The following TTC28 variants were observed in gnomAD, a reference collection of about 807,000 sequenced individuals.
TTC28 encodes tetratricopeptide repeat protein 28.
TTC28 carries 61 observed loss-of-function variants against 198.0 expected under a neutral mutation model. The observed-to-expected ratio is 0.31, with a 90% CI of 0.25 to 0.38. TTC28 has a LOEUF of 0.38. Among genes scored for constraint, TTC28 ranks in the 10% least tolerant of loss-of-function variants. The probability of loss-of-function intolerance (pLI) is 1.00; values close to 1 mark genes in which losing one functional copy is unlikely to be tolerated. For synonymous variants in TTC28, 1,171 were observed against 1,297.8 expected (o/e 0.90, Z 2.10); for missense variants, 2,678 against 3,164.0 (o/e 0.85, Z 3.69).
chr22:28,444,525 A>C (rs1265791839), intron 2 of TTC28, among the ~76,000 whole-genome samples: 1 of 152,216 alleles, frequency 6.6e-6, no homozygotes, highest in Non-Finnish European at 1.5e-5. Flanking sequence ...TTTTAGCTGA[A>C]TGAACAGGTA....
chr22:28,438,413 C>T (rs1026212357), intron 2 of TTC28, among the ~76,000 whole-genome samples: 6 of 152,128 alleles, frequency 3.9e-5, no homozygotes, highest in African/African-American at 1.4e-4. Context: ...AAATGGAACT[C>T]CATCAGAGAA....
intron 2 of TTC28, among the ~76,000 whole-genome samples, chr22:28,424,005 T>C (rs953277676): frequency 1.3e-5 from 2 of 152,170 alleles, no homozygotes; most frequent in Non-Finnish European, 2.9e-5. Context: ...TACCTGCACA[T>C]AGAAAGGTAC....
chr22:28,554,721 AT>A (rs1314091363), intron 2 of TTC28, among the ~76,000 whole-genome samples: 1 of 152,012 alleles, frequency 6.6e-6, no homozygotes, highest in Non-Finnish European at 1.5e-5. Context: ...AAATACAAAA[AT>A]TAACCGGGTG....
At chr22:28,088,390 T>C (rs111543493) in intron 12 of TTC28, among the ~76,000 whole-genome samples, 8 of 151,916 alleles carry the variant, frequency 5.3e-5, no homozygotes, top group Admixed American at 3.9e-4. Flanking sequence ...TTTGACAAAC[T>C]TGACAAAAAC....
chr22:28,004,090 C>T (rs1000342514), intron 14 of TTC28, among the ~76,000 whole-genome samples: 2 of 152,254 alleles, frequency 1.3e-5, no homozygotes, highest in African/African-American at 4.8e-5. Context: ...GGCAGCATGG[C>T]AGCCCCAGAA....
At chr22:28,373,822 C>T (rs1346157857) in intron 2 of TTC28, among the ~76,000 whole-genome samples, 1 of 102,786 alleles carries the variant, frequency 9.7e-6, no homozygotes, top group Non-Finnish European at 2.1e-5. Flanking sequence ...ACATAAAAAG[C>T]AGTTAAGGTA....
chr22:28,537,782 G>A (rs1266811622), intron 2 of TTC28, among the ~76,000 whole-genome samples: 1 of 152,158 alleles, frequency 6.6e-6, no homozygotes, highest in Non-Finnish European at 1.5e-5. Context: ...ACATCTATAT[G>A]TTCGCTATCA....
At chr22:28,396,685 C>T (rs1009033055) in intron 2 of TTC28, among the ~76,000 whole-genome samples, 3 of 152,164 alleles carry the variant, frequency 2.0e-5, no homozygotes, top group African/African-American at 4.8e-5. Context: ...CTGTTTTCTT[C>T]CTCCCTCCCC....
chr22:28,633,613 G>C (rs1239382864), intron 1 of TTC28, among the ~76,000 whole-genome samples: 2 of 152,134 alleles, frequency 1.3e-5, no homozygotes, highest in Non-Finnish European at 2.9e-5. Context: ...TGGACAACAA[G>C]CAAGACCCTG....
chr22:28,257,452 G>A (rs555689397), intron 5 of TTC28, among the ~76,000 whole-genome samples: 23 of 151,902 alleles, frequency 1.5e-4, no homozygotes, highest in Admixed American at 2.0e-4. Context: ...GTAATTTGCA[G>A]CAACATGGAT....
chr22:28,102,365 C>T (rs936758022), intron 8 of TTC28, among the ~76,000 whole-genome samples: 1 of 152,170 alleles, frequency 6.6e-6, no homozygotes, highest in African/African-American at 2.4e-5. Flanking sequence ...TTAAATGAAA[C>T]CATCCTCATT....
intron 2 of TTC28, among the ~76,000 whole-genome samples, chr22:28,502,521 G>A (rs558506698): frequency 3.9e-4 from 59 of 151,868 alleles, no homozygotes; most frequent in African/African-American, 1.3e-3. Flanking sequence ...GGTGGCGGGC[G>A]TCTGTAGTCC....
At chr22:28,249,972 C>T (rs1202309797) in intron 5 of TTC28, among the ~76,000 whole-genome samples, 1 of 152,118 alleles carries the variant, frequency 6.6e-6, no homozygotes, top group Non-Finnish European at 1.5e-5. Flanking sequence ...AATGAGGACT[C>T]TCAGCTACTT....
In TTC28 at chr22:28,562,940, T is replaced by C. The variant is rs958246351; in HGVS notation, c.381+66612A>G. Among the ~76,000 whole-genome samples the C allele has an allele frequency of 2.7e-4, 41 of 152,198 alleles. 1 individual carries two copies. Among genetic ancestry groups the C allele is most frequent in the Admixed American group, 1.8e-3 (27 of 15,294 alleles). ...GAGTTTGAGACCAGCCTGGGCAACA[T>C]AGCAAAACCCTGTCTCTACAAAAAA... is the stretch of plus-strand genomic sequence containing the variant. On this transcript the variant is annotated intron_variant, in intron 2 of 22. Coordinates refer to ENST00000397906, the MANE Select transcript of TTC28 (RefSeq NM_001145418.2).
At chr22:28,047,717 C>T (rs1203761655) in intron 12 of TTC28, among the ~76,000 whole-genome samples, 1 of 152,188 alleles carries the variant, frequency 6.6e-6, no homozygotes, top group Non-Finnish European at 1.5e-5. Flanking sequence ...CCAAAGCAGG[C>T]CCAGGTGAGT....
At chr22:28,168,893 G>A (rs920024251) in intron 5 of TTC28, among the ~76,000 whole-genome samples, 2 of 152,260 alleles carry the variant, frequency 1.3e-5, no homozygotes, top group East Asian at 1.9e-4. Flanking sequence ...GCACCCTACA[G>A]AATGGGAGAA....
At chr22:27,987,469 C>T (rs540437109) in intron 21 of TTC28, among the ~76,000 whole-genome samples, 7 of 152,348 alleles carry the variant, frequency 4.6e-5, no homozygotes, top group Admixed American at 1.3e-4. Flanking sequence ...CGGTGGCTCA[C>T]GCCTATAATC....
chr22:28,307,180 T>G (rs1401356173), intron 2 of TTC28, among the ~76,000 whole-genome samples: 1 of 152,180 alleles, frequency 6.6e-6, no homozygotes. Flanking sequence ...CACATAATAT[T>G]TAAAAGCAAT....
At chr22:28,397,343 T>C (rs921234298) in intron 2 of TTC28, among the ~76,000 whole-genome samples, 2 of 152,212 alleles carry the variant, frequency 1.3e-5, no homozygotes, top group African/African-American at 4.8e-5. Flanking sequence ...TGTCCTCACT[T>C]AACAGGTGAA....
Sources: gnomAD v4.1 joint callset for allele counts (sites outside exome capture counted in the v4.1 genomes callset) on GRCh38, gnomAD v4.1.1 for gene constraint, MANE v1.5 for transcripts, NCBI Gene and HGNC (gene_info 2026-07-23, HGNC 2026-07-21) for gene names.